Variants in STXBP5L observed in about 807,000 individuals in gnomAD.
The protein encoded by STXBP5L is syntaxin-binding protein 5-like.
A neutral mutation model predicts 144.5 loss-of-function variants in STXBP5L; 65 were observed. That is an observed-to-expected ratio of 0.45 (90% CI 0.37 to 0.55). The LOEUF is 0.55. STXBP5L is among the 20% of genes least tolerant of loss of function. STXBP5L has a pLI of 0.00. For missense variants in STXBP5L, 1,298 were observed against 1,405.5 expected (o/e 0.92, Z 1.22); for synonymous variants, 505 against 469.6 (o/e 1.08, Z -0.97).
intron 3 of STXBP5L, among the ~76,000 whole-genome samples, chr3:120,976,290 G>T (rs1941002907): frequency 6.6e-6 from 1 of 152,118 alleles, no homozygotes; most frequent in Non-Finnish European, 1.5e-5. Flanking sequence ...TATGTGTCCA[G>T]GAATTTATCC....
At chr3:121,387,396 G>A (rs58466835) in intron 22 of STXBP5L, among the ~76,000 whole-genome samples, 2 of 152,212 alleles carry the variant, frequency 1.3e-5, no homozygotes, top group South Asian at 4.2e-4. Flanking sequence ...CGGACAGAAG[G>A]TCTTTAGTTT....
intron 20 of STXBP5L, among the ~76,000 whole-genome samples, chr3:121,367,708 A>C (rs1384091736): frequency 6.7e-6 from 1 of 150,154 alleles, no homozygotes; most frequent in Non-Finnish European, 1.5e-5. Context: ...CCTGGACTCA[A>C]ATAGATCCTC....
intron 20 of STXBP5L, among the ~76,000 whole-genome samples, chr3:121,330,136 A>G (rs1385369275): frequency 1.3e-5 from 2 of 152,216 alleles, no homozygotes; most frequent in African/African-American, 2.4e-5. Flanking sequence ...CCTGAAAGCC[A>G]CAGTTTCTAT....
At chr3:121,133,998 A>G (rs1559783914) in intron 7 of STXBP5L, among the ~76,000 whole-genome samples, 1 of 152,134 alleles carries the variant, frequency 6.6e-6, no homozygotes, top group South Asian at 2.1e-4. Context: ...TTGAGATGAG[A>G]TTTGGGTGGG....
intron 7 of STXBP5L, among the ~76,000 whole-genome samples, chr3:121,127,563 TAAC>T (rs1177355764): frequency 6.6e-6 from 1 of 151,620 alleles, no homozygotes; most frequent in Non-Finnish European, 1.5e-5. Context: ...CCTCTTTTTA[TAAC>T]AACAGGAGTC....
chr3:120,979,192 G>A (rs1430820601), intron 3 of STXBP5L, among the ~76,000 whole-genome samples: 1 of 152,188 alleles, frequency 6.6e-6, no homozygotes, highest in Non-Finnish European at 1.5e-5. Context: ...AGCTGTGGTG[G>A]GCTTCCCCCA....
chr3:120,946,681 C>T (rs1710875006), intron 2 of STXBP5L, among the ~76,000 whole-genome samples: 1 of 151,688 alleles, frequency 6.6e-6, no homozygotes, highest in African/African-American at 2.4e-5. Context: ...AATATAAATT[C>T]TGCTTTGCCA....
At chr3:121,215,171 G>A (rs759495937) in intron 10 of STXBP5L, among the ~76,000 whole-genome samples, 74 of 152,162 alleles carry the variant, frequency 4.9e-4, no homozygotes, top group South Asian at 1.0e-3. Context: ...GCCAGTCTGC[G>A]TCTTTTAACT....
At chr3:121,343,219 G>A (rs1382015290) in intron 20 of STXBP5L, among the ~76,000 whole-genome samples, 1 of 151,966 alleles carries the variant, frequency 6.6e-6, no homozygotes, top group Non-Finnish European at 1.5e-5. Context: ...ATTTGTTTGA[G>A]TTCATTGTAG....
chr3:120,989,873 A>T (rs868096116), intron 3 of STXBP5L, among the ~76,000 whole-genome samples: 1 of 152,188 alleles, frequency 6.6e-6, no homozygotes, highest in South Asian at 2.1e-4. Flanking sequence ...CAAAAACTTG[A>T]AGCATTCTCT....
chr3:121,084,960 G>T (rs555080013), intron 5 of STXBP5L, among the ~76,000 whole-genome samples: 1 of 152,108 alleles, frequency 6.6e-6, no homozygotes, highest in East Asian at 1.9e-4. Context: ...TTTCTCTAAT[G>T]ATCAATGATG....
intron 6 of STXBP5L, among the ~76,000 whole-genome samples, chr3:121,117,192 A>G (rs2044267979): frequency 6.7e-6 from 1 of 150,254 alleles, no homozygotes; most frequent in African/African-American, 2.4e-5. Flanking sequence ...GAGAAATTAA[A>G]GAGCTAAAAT....
intron 9 of STXBP5L, among the ~76,000 whole-genome samples, chr3:121,159,138 A>G (rs1442572006): frequency 6.6e-6 from 1 of 151,856 alleles, no homozygotes; most frequent in Non-Finnish European, 1.5e-5. Flanking sequence ...TTTATTTTCT[A>G]AAATAAAACT....
At chr3:121,139,234 T>A (rs2045390092) in intron 7 of STXBP5L, among the ~76,000 whole-genome samples, 1 of 152,018 alleles carries the variant, frequency 6.6e-6, no homozygotes, top group Non-Finnish European at 1.5e-5. Flanking sequence ...AAGGAGAAGA[T>A]TTTGAATGTT....
intron 3 of STXBP5L, among the ~76,000 whole-genome samples, chr3:121,003,959 A>G (rs1416606375): frequency 2.6e-5 from 4 of 152,136 alleles, no homozygotes; most frequent in East Asian, 1.9e-4. Context: ...GTAGCCTTGC[A>G]GTATAGTTTG....
chr3:121,110,505 TG>T (rs1258525112), intron 5 of STXBP5L, among the ~76,000 whole-genome samples: 3 of 152,218 alleles, frequency 2.0e-5, no homozygotes, highest in Non-Finnish European at 4.4e-5. Context: ...TGGCCATATA[TG>T]AAATTCTGGG....
At chr3:121,204,194 G>A (rs894608055) in intron 9 of STXBP5L, among the ~76,000 whole-genome samples, 22 of 152,078 alleles carry the variant, frequency 1.4e-4, no homozygotes, top group South Asian at 4.2e-4. Flanking sequence ...AGCCAAGATC[G>A]CACCACTGCA....
chr3:121,226,696 T>C lies in STXBP5L; in HGVS notation c.1111+3539T>C, dbSNP rs569264448. Among the ~76,000 whole-genome samples, 14 of 152,322 alleles carry C rather than the reference T, an allele frequency of 9.2e-5. No individual in the cohort carries two copies. In the South Asian group the frequency reaches 2.9e-3, roughly 32 times the overall value. On this transcript the variant is annotated intron_variant, in intron 11 of 26. Transcript: ENST00000471454. The stretch of plus-strand genomic sequence containing the variant: ...GGAGAATTCAGAATCTAGTCCAGTC[T>C]ATAGCCAAATAACAAGGACTTTAGG...
chr3:121,197,384 G>A (rs2047961423), intron 9 of STXBP5L, among the ~76,000 whole-genome samples: 1 of 152,060 alleles, frequency 6.6e-6, no homozygotes, highest in South Asian at 2.1e-4. Flanking sequence ...ATTGATGTCT[G>A]TAAATTTAGT....
Sources: gnomAD v4.1 joint callset for allele counts (sites outside exome capture counted in the v4.1 genomes callset) on GRCh38, gnomAD v4.1.1 for gene constraint, MANE v1.5 for transcripts, NCBI Gene and HGNC (gene_info 2026-07-23, HGNC 2026-07-21) for gene names.